The following AOPEP variants were observed in gnomAD, a reference collection of about 807,000 sequenced individuals.
The protein encoded by AOPEP is aminopeptidase O (putative).
Under a neutral mutation model 98.1 loss-of-function variants are expected in AOPEP, and 77 were observed. The ratio of observed to expected loss-of-function variants is 0.78; its 90% confidence interval spans 0.65 to 0.95. The LOEUF is 0.95. AOPEP is among the 40% of genes least tolerant of loss of function. AOPEP has a pLI of 0.00. For synonymous variants in AOPEP, 346 were observed against 365.3 expected, an observed-to-expected ratio of 0.95 and a Z score of 0.60; for missense variants, 1,024 against 1,024.7, an observed-to-expected ratio of 1.00 and a Z score of 0.01.
At chr9:94,734,399 G>A (rs1831271247) in intron 1 of AOPEP, among the ~76,000 whole-genome samples, 1 of 152,188 alleles carries the variant, frequency 6.6e-6, no homozygotes, top group Non-Finnish European at 1.5e-5. Flanking sequence ...GCAATTGGGG[G>A]AGGGATAAGG....
At chr9:95,025,217 G>T (rs748763985) in intron 13 of AOPEP, among the ~76,000 whole-genome samples, 11 of 152,286 alleles carry the variant, frequency 7.2e-5, no homozygotes, top group South Asian at 2.1e-4. Flanking sequence ...TGGTGTCCTG[G>T]CTTTTGGATG....
At chr9:95,037,617 T>C (rs766187811) in intron 13 of AOPEP, among the ~76,000 whole-genome samples, 3 of 152,208 alleles carry the variant, frequency 2.0e-5, no homozygotes, top group Non-Finnish European at 2.9e-5. Flanking sequence ...CAGTTTCTTA[T>C]TGCTGAAGGA....
chr9:94,749,735 A>G (rs570934438), intron 1 of AOPEP, among the ~76,000 whole-genome samples: 3 of 152,242 alleles, frequency 2.0e-5, no homozygotes, highest in Non-Finnish European at 4.4e-5. Context: ...AGTAATTCCT[A>G]TTTCTTTGCT....
intron 3 of AOPEP, among the ~76,000 whole-genome samples, chr9:94,776,276 A>G (rs1762632711): frequency 1.3e-5 from 2 of 152,170 alleles, no homozygotes; most frequent in East Asian, 1.9e-4. Flanking sequence ...AACAGAGCGT[A>G]AAGAGTATCC....
chr9:94,978,897 C>A (rs536354375), intron 10 of AOPEP, among the ~76,000 whole-genome samples: 1 of 152,088 alleles, frequency 6.6e-6, no homozygotes, highest in South Asian at 2.1e-4. Context: ...TGCACCTGAG[C>A]CTCTCTGTGG....
chr9:95,046,592 G>A (rs1196619148), intron 13 of AOPEP, among the ~76,000 whole-genome samples: 2 of 152,214 alleles, frequency 1.3e-5, no homozygotes, highest in African/African-American at 4.8e-5. Context: ...AGTGTTGTGT[G>A]CTGTACACGA....
chr9:94,946,094 T>C (rs1365017541), intron 7 of AOPEP, among the ~76,000 whole-genome samples: 1 of 152,176 alleles, frequency 6.6e-6, no homozygotes, highest in African/African-American at 2.4e-5. Context: ...CTGGATCCTA[T>C]ACTCAAAAAG....
intron 7 of AOPEP, among the ~76,000 whole-genome samples, chr9:94,936,035 T>G (rs1383784825): frequency 1.3e-5 from 2 of 152,192 alleles, no homozygotes; most frequent in Non-Finnish European, 2.9e-5. Flanking sequence ...AAGGATTTCC[T>G]CAATTCAACT....
At chr9:95,065,585 A>G (rs1265964382) in intron 14 of AOPEP, 1 of 152,304 alleles carries the variant, frequency 6.6e-6, no homozygotes, top group East Asian at 1.9e-4. Context: ...AGGAGACACC[A>G]TTGTGGAACA....
At chr9:94,793,633 C>T (rs150948910) in intron 4 of AOPEP, among the ~76,000 whole-genome samples, 2,082 of 150,768 alleles carry the variant, frequency 0.014, 16 homozygotes, top group African/African-American at 0.024. Flanking sequence ...GCCAAGATTG[C>T]GCCACCGCAC....
the AOPEP span, chr9:95,114,474 G>A: frequency 1.1e-5 from 8 of 759,312 alleles, no homozygotes; most frequent in South Asian, 1.4e-5. Flanking sequence ...GCAGCCATGC[G>A]CTTCCTCCAC....
chr9:94,728,335 T>C (rs1650076948), intron 1 of AOPEP, among the ~76,000 whole-genome samples: 1 of 152,154 alleles, frequency 6.6e-6, no homozygotes, highest in African/African-American at 2.4e-5. Flanking sequence ...CCCTGCTGTT[T>C]GGAGTCCTCA....
chr9:95,017,389 A>G (rs1017202260), intron 13 of AOPEP, among the ~76,000 whole-genome samples: 2 of 152,250 alleles, frequency 1.3e-5, no homozygotes, highest in African/African-American at 4.8e-5. Context: ...TGAATACTGC[A>G]AGCAATTGTA....
the AOPEP span, among the ~76,000 whole-genome samples, chr9:95,146,589 T>C: frequency 6.7e-6 from 1 of 150,060 alleles, no homozygotes. Flanking sequence ...TTATAAGCAG[T>C]AAGTATCATT....
chr9:94,767,307 A>G (rs1222255312), intron 2 of AOPEP, among the ~76,000 whole-genome samples: 2 of 152,198 alleles, frequency 1.3e-5, no homozygotes, highest in Non-Finnish European at 2.9e-5. Flanking sequence ...GCATATGTCT[A>G]TTTCCCAGAA....
chr9:95,044,562 G>A (rs1159064056), intron 13 of AOPEP, among the ~76,000 whole-genome samples: 1 of 152,230 alleles, frequency 6.6e-6, no homozygotes, highest in African/African-American at 2.4e-5. Context: ...ATCTGGAAGG[G>A]TAAGATTGGT....
At chr9:94,751,413 A>G (rs1483583182) in intron 1 of AOPEP, among the ~76,000 whole-genome samples, 1 of 152,134 alleles carries the variant, frequency 6.6e-6, no homozygotes, top group Non-Finnish European at 1.5e-5. Flanking sequence ...TAAAACTAAA[A>G]CTGTGTTTGT....
At chr9:94,987,873 G>A (rs1438096065) in intron 11 of AOPEP, among the ~76,000 whole-genome samples, 2 of 152,190 alleles carry the variant, frequency 1.3e-5, no homozygotes. Flanking sequence ...ATGCTAGAGA[G>A]TTCCTGCAGA....
At chr9:94,788,287 C>G (rs1844881965) in intron 3 of AOPEP, among the ~76,000 whole-genome samples, 1 of 152,050 alleles carries the variant, frequency 6.6e-6, no homozygotes, top group Non-Finnish European at 1.5e-5. Context: ...CTGTGTTGCC[C>G]AGGCTGGTCT....
Sources: gnomAD v4.1 joint callset for allele counts (sites outside exome capture counted in the v4.1 genomes callset) on GRCh38, gnomAD v4.1.1 for gene constraint, MANE v1.5 for transcripts, NCBI Gene and HGNC (gene_info 2026-07-23, HGNC 2026-07-21) for gene names.